ADTRP: variants seen among roughly 807,000 people sequenced by gnomAD.
The protein encoded by ADTRP is androgen dependent TFPI regulating protein, also known as androgen-dependent TFPI-regulating protein.
Under a neutral mutation model 27.0 loss-of-function variants are expected in ADTRP, and 20 were observed. That is an observed-to-expected ratio of 0.74 (90% CI 0.52 to 1.08). The LOEUF is 1.08. ADTRP is among the 50% of genes least tolerant of loss of function. The pLI is 0.00. For missense variants in ADTRP, 251 were observed against 275.0 expected (o/e 0.91, Z 0.62); for synonymous variants, 101 against 105.2 (o/e 0.96, Z 0.25).
intron 1 of ADTRP, among the ~76,000 whole-genome samples, chr6:11,777,813 T>C (rs1295620485): frequency 6.6e-6 from 1 of 152,210 alleles, no homozygotes; most frequent in African/African-American, 2.4e-5. Context: ...TGAAAACAGA[T>C]GTTTATGTGG....
intron 3 of ADTRP, among the ~76,000 whole-genome samples, chr6:11,741,164 G>A (rs1382635280): frequency 6.6e-6 from 1 of 152,158 alleles, no homozygotes; most frequent in Non-Finnish European, 1.5e-5. Flanking sequence ...ACCTAGGTGG[G>A]CTATCACAGG....
intron 4 of ADTRP, among the ~76,000 whole-genome samples, chr6:11,733,412 C>T (rs1203405975): frequency 1.3e-5 from 2 of 152,186 alleles, no homozygotes; most frequent in Admixed American, 1.3e-4. Flanking sequence ...TTCAGCCATA[C>T]CCTCAGCTCC....
chr6:11,777,693 T>G (rs1764005052), intron 1 of ADTRP, among the ~76,000 whole-genome samples: 1 of 152,186 alleles, frequency 6.6e-6, no homozygotes, highest in South Asian at 2.1e-4. Context: ...AAGCAGCCAC[T>G]TTGGGCCTCT....
intron 3 of ADTRP, among the ~76,000 whole-genome samples, chr6:11,741,721 T>TAAAAAAAA (rs66700409): frequency 1.1e-4 from 16 of 151,032 alleles, no homozygotes; most frequent in Non-Finnish European, 1.8e-4. Context: ...AGATTTTTTT[T>TAAAAAAAA]AAAAAAAAAA....
chr6:11,756,905 T>C (rs1408992955), intron 3 of ADTRP, among the ~76,000 whole-genome samples: 5 of 152,188 alleles, frequency 3.3e-5, no homozygotes, highest in Non-Finnish European at 1.5e-5. Flanking sequence ...AGCTCTATGA[T>C]TCTAGGTTGA....
At chr6:11,716,937 G>C (rs1320360972) in intron 5 of ADTRP, among the ~76,000 whole-genome samples, 1 of 149,398 alleles carries the variant, frequency 6.7e-6, no homozygotes, top group Non-Finnish European at 1.5e-5. Context: ...TGTAGGCCAG[G>C]CTTCTCTTGA....
At chr6:11,733,831 C>A (rs1025073371) in intron 4 of ADTRP, among the ~76,000 whole-genome samples, 3 of 152,160 alleles carry the variant, frequency 2.0e-5, no homozygotes, top group African/African-American at 7.2e-5. Flanking sequence ...GACAAACCAA[C>A]CTCCTGGCCT....
chr6:11,732,616 T>G (rs1342237019), intron 4 of ADTRP, among the ~76,000 whole-genome samples: 4 of 152,230 alleles, frequency 2.6e-5, no homozygotes, highest in Non-Finnish European at 1.5e-5. Context: ...AGTGTCTATA[T>G]TTGATTTGTT....
chr6:11,763,228 G>A (rs931836551), intron 3 of ADTRP, among the ~76,000 whole-genome samples: 3 of 152,218 alleles, frequency 2.0e-5, no homozygotes, highest in African/African-American at 7.2e-5. Flanking sequence ...TGAGCTGCAA[G>A]GGTTGAGCTG....
At chr6:11,773,297 G>T (rs1158700282) in intron 1 of ADTRP, among the ~76,000 whole-genome samples, 1 of 152,188 alleles carries the variant, frequency 6.6e-6, no homozygotes, top group East Asian at 1.9e-4. Context: ...CACGATGCAG[G>T]TCAGGTTCCG....
rs752191902 is a variant in ADTRP at position 11,754,510 on chromosome 6, C to G, written c.390+11764G>C. On this transcript the variant is annotated intron_variant, in intron 3 of 5. Coordinates refer to ENST00000414691, the MANE Select transcript of ADTRP (RefSeq NM_032744.4). ...ATCTAAGAGCTAAGGATCCACGTGA[C>G]GGACGTGTAATACATGGGCAAGTGT... 7.2e-5 allele frequency among the ~76,000 whole-genome samples: 11 copies of G among 152,250 alleles called. No homozygotes were observed. The East Asian group carries it at 1.9e-3, about 27-fold the overall frequency.
intron 3 of ADTRP, among the ~76,000 whole-genome samples, chr6:11,756,535 G>A (rs1043122531): frequency 2.0e-5 from 3 of 152,042 alleles, no homozygotes; most frequent in Non-Finnish European, 4.4e-5. Context: ...AGACCTCTAT[G>A]ATTTCTTACA....
chr6:11,769,196 G>T (rs992914430), intron 1 of ADTRP, among the ~76,000 whole-genome samples: 1 of 152,196 alleles, frequency 6.6e-6, no homozygotes, highest in Non-Finnish European at 1.5e-5. Flanking sequence ...AGTTTGGGGG[G>T]TGGGGTTAAG....
intron 3 of ADTRP, among the ~76,000 whole-genome samples, chr6:11,758,486 C>T (rs908431553): frequency 2.8e-5 from 4 of 141,738 alleles, no homozygotes; most frequent in South Asian, 4.4e-4. Context: ...AACCAAACAC[C>T]GCATGTTCTC....
intron 3 of ADTRP, among the ~76,000 whole-genome samples, chr6:11,741,588 C>T (rs1432814541): frequency 6.6e-6 from 1 of 152,166 alleles, no homozygotes; most frequent in African/African-American, 2.4e-5. Context: ...CACTGCTGTC[C>T]TTTGGGTTAA....
intron 3 of ADTRP, among the ~76,000 whole-genome samples, chr6:11,742,127 A>G (rs1185791112): frequency 6.6e-6 from 1 of 152,126 alleles, no homozygotes; most frequent in Non-Finnish European, 1.5e-5. Flanking sequence ...GCAAACCTAA[A>G]AAAAAAGTTT....
intron 3 of ADTRP, among the ~76,000 whole-genome samples, chr6:11,764,642 C>T (rs900030449): frequency 6.6e-6 from 1 of 151,534 alleles, no homozygotes; most frequent in South Asian, 2.1e-4. Flanking sequence ...AAAACCAGAT[C>T]GAATCACAAG....
chr6:11,776,855 G>C (rs1763970790), intron 1 of ADTRP, among the ~76,000 whole-genome samples: 2 of 152,166 alleles, frequency 1.3e-5, no homozygotes, highest in African/African-American at 4.8e-5. Context: ...GCAGGAGGGA[G>C]CCACTGTGGT....
intron 3 of ADTRP, among the ~76,000 whole-genome samples, chr6:11,765,238 G>C (rs1319885317): frequency 3.3e-5 from 5 of 151,928 alleles, no homozygotes; most frequent in Admixed American, 3.3e-4. Flanking sequence ...TGGAAAGATG[G>C]GCAAGAGTGA....
Sources: gnomAD v4.1 joint callset for allele counts (sites outside exome capture counted in the v4.1 genomes callset) on GRCh38, gnomAD v4.1.1 for gene constraint, MANE v1.5 for transcripts, NCBI Gene and HGNC (gene_info 2026-07-23, HGNC 2026-07-21) for gene names.